Variants in RABEP1 observed in about 807,000 individuals in gnomAD.
The protein encoded by RABEP1 is rab GTPase-binding effector protein 1.
In RABEP1, 51 loss-of-function variants were observed where a neutral mutation model predicts 123.4. That is an observed-to-expected ratio of 0.41 (90% confidence interval 0.33 to 0.52). The LOEUF is 0.52. Among genes scored for constraint, RABEP1 ranks in the 20% least tolerant of loss-of-function variants. RABEP1 has a pLI of 0.16. For synonymous variants in RABEP1, 347 were observed against 355.2 expected, an observed-to-expected ratio of 0.98 and a Z score of 0.26; for missense variants, 888 against 996.3, an observed-to-expected ratio of 0.89 and a Z score of 1.46.
At chr17:5,353,691 A>G (rs1221793600) in intron 7 of RABEP1, among the ~76,000 whole-genome samples, 1 of 152,066 alleles carries the variant, frequency 6.6e-6, no homozygotes, top group African/African-American at 2.4e-5. Context: ...ATGCAAAAAA[A>G]CCAAAAAATT....
At chr17:5,361,950 C>T (rs954778300) in intron 9 of RABEP1, 1 of 360,594 alleles carries the variant, frequency 2.8e-6, no homozygotes, top group African/African-American at 2.0e-5. Context: ...ATCTGCCTGA[C>T]TAGCATTGCG....
rs562862313 is a variant in RABEP1 at position 5,351,697 on chromosome 17, G to A, written c.963+1068G>A. On this transcript the variant is annotated intron_variant, in intron 7 of 17. Transcript: ENST00000537505. ...CGTGCCTGTAGTTCCAGCTACTTGG[G>A]AGGCTGAGGTGGGAGGATCACTTGA... Among the ~76,000 whole-genome samples the A allele has an allele frequency of 5.9e-5, 9 of 152,280 alleles. No individual in the cohort carries two copies. In the South Asian group the frequency reaches 1.9e-3, roughly 32 times the overall value.
intron 10 of RABEP1, chr17:5,364,575 A>G (rs2144685497): frequency 1.3e-5 from 2 of 152,692 alleles, no homozygotes; most frequent in South Asian, 4.1e-4. Flanking sequence ...TCTACTAAAA[A>G]TGCAAAATTA....
At chr17:5,365,366 A>G in intron 11 of RABEP1, 128 bp downstream of exon 11, 3 of 555,534 alleles carry the variant, frequency 5.4e-6, no homozygotes, top group Non-Finnish European at 9.2e-6. Flanking sequence ...CTCAGGTAAA[A>G]AGATTTCTTA....
At position 5,282,504 on chromosome 17, in the gene RABEP1, G is replaced by A; in HGVS notation, c.18G>A (p.Pro6=). MAQPG[P]ASQPDVSLQQ... is the part of the protein sequence containing the mutation. The stretch of plus-strand genomic sequence containing the variant: ...GCCTGGTCATGGCGCAGCCGGGCCC[G>A]GCTTCCCAGCCTGACGGTGAGGCGC... Residue 6 remains proline, a synonymous_variant, in exon 1 of 18, where the codon CCG becomes CCA. Coordinates refer to ENST00000537505, the MANE Select transcript of RABEP1 (RefSeq NM_004703.6). 2 of 1,274,044 alleles carry A rather than the reference G, an allele frequency of 1.6e-6. No homozygotes were observed. The highest frequency in any genetic ancestry group is 9.9e-7 in the Non-Finnish European group (1 of 1,009,050). 78.9% of individuals were successfully genotyped at this position (1,274,044 alleles called of 1,614,324 possible).
chr17:5,330,449 A>C (rs1906423370), intron 2 of RABEP1, among the ~76,000 whole-genome samples: 3 of 152,222 alleles, frequency 2.0e-5, no homozygotes, highest in African/African-American at 7.2e-5. Flanking sequence ...AACATTTCAC[A>C]ACGTTTAAAA....
intron 15 of RABEP1, 151 bp from the exon 16 acceptor site, chr17:5,380,213 G>T (rs991288431): frequency 1.7e-6 from 1 of 595,198 alleles, no homozygotes; most frequent in African/African-American, 1.9e-5. Context: ...GAAGAATACA[G>T]AGGGGATCCA....
rs1415556102 is a variant in RABEP1 at position 5,383,436 on chromosome 17, CTA to C, written c.*216_*217del. ...GCCCAGAGACCTTCAAATGCGAACA[CTA>C]TAAACTCCAGGCTTGATTCCAACAG... On this transcript the variant is annotated 3_prime_UTR_variant, in exon 18 of 18. Coordinates refer to ENST00000537505, the MANE Select transcript of RABEP1 (RefSeq NM_004703.6). 2 of 525,306 alleles carry C rather than the reference CTA, an allele frequency of 3.8e-6. No individual in the cohort carries two copies. Among genetic ancestry groups the C allele is most frequent in the Admixed American group, 3.2e-5 (1 of 31,166 alleles). 32.5% of individuals were successfully genotyped at this position (525,306 alleles called of 1,614,324 possible). A position where few individuals can be genotyped will look rare whatever the true frequency, so the allele number is the denominator to read the frequency against.
intron 1 of RABEP1, among the ~76,000 whole-genome samples, chr17:5,305,605 T>C (rs184848517): frequency 3.9e-5 from 6 of 152,234 alleles, no homozygotes; most frequent in Non-Finnish European, 7.4e-5. Context: ...TAGAGAAAAA[T>C]AAGAACAGAG....
intron 5 of RABEP1, among the ~76,000 whole-genome samples, chr17:5,340,573 G>GA (rs1415048138): frequency 2.0e-5 from 3 of 147,988 alleles, no homozygotes; most frequent in Non-Finnish European, 4.5e-5. Flanking sequence ...GCTTGGACAT[G>GA]AAAAAAATAC....
chr17:5,383,237 G>A lies in RABEP1; in HGVS notation c.*14G>A, dbSNP rs754990170. On this transcript the variant is annotated 3_prime_UTR_variant, in exon 18 of 18. Coordinates refer to ENST00000537505, the MANE Select transcript of RABEP1 (RefSeq NM_004703.6). ...CCTGAGACATGACACCCTCATGGCAGGATTCTAGCCTGCACTTTGGGTTTT... is the reference window on the plus strand; with the variant it reads ...CCTGAGACATGACACCCTCATGGCAAGATTCTAGCCTGCACTTTGGGTTTT... The A allele has an allele frequency of 1.9e-6, 3 of 1,607,892 alleles. No homozygotes were observed. In the South Asian group the frequency reaches 3.3e-5, roughly 18 times the overall value.
In RABEP1 at chr17:5,362,637, GGGATA is replaced by G. The variant is rs561688760; in HGVS notation, c.1564-273_1564-269del. Among the ~76,000 whole-genome samples the G allele has an allele frequency of 9.2e-5, 14 of 152,312 alleles. No individual in the cohort carries two copies. In the East Asian group the frequency reaches 2.7e-3, roughly 29 times the overall value. ...TTTAGTATTATACCATGAGTGCCATGGGATAGTACCTTTTGCTTGCTTTGTGTTTT... is the reference window on the plus strand; with the variant it reads ...TTTAGTATTATACCATGAGTGCCATGGTACCTTTTGCTTGCTTTGTGTTTT... On this transcript the variant is annotated intron_variant, in intron 9 of 17. Transcript: ENST00000537505.
intron 13 of RABEP1, among the ~76,000 whole-genome samples, chr17:5,376,575 A>T (rs995140129): frequency 1.3e-5 from 2 of 152,238 alleles, no homozygotes; most frequent in Non-Finnish European, 2.9e-5. Flanking sequence ...TTATTACAGA[A>T]AAACAGCTTA....
chr17:5,287,786 C>T (rs922099871), intron 1 of RABEP1, among the ~76,000 whole-genome samples: 1 of 151,898 alleles, frequency 6.6e-6, no homozygotes, highest in Non-Finnish European at 1.5e-5. Flanking sequence ...ATGGCCTGTG[C>T]CTCTAGTCCC....
At chr17:5,285,210 T>A (rs1348584233) in intron 1 of RABEP1, among the ~76,000 whole-genome samples, 1 of 152,154 alleles carries the variant, frequency 6.6e-6, no homozygotes, top group East Asian at 1.9e-4. Context: ...AATTTAAAAA[T>A]GAAAATTTTC....
At chr17:5,291,195 G>A (rs188599332) in intron 1 of RABEP1, among the ~76,000 whole-genome samples, 10 of 152,204 alleles carry the variant, frequency 6.6e-5, no homozygotes, top group Non-Finnish European at 1.3e-4. Context: ...TGGACCACGC[G>A]GTCAGGACTT....
Position 5,310,873 on chromosome 17 carries a change from G to C in RABEP1, c.163+2051G>C, listed in dbSNP as rs138157435. Among the ~76,000 whole-genome samples, 28 of 148,494 alleles carry C rather than the reference G, an allele frequency of 1.9e-4. No homozygotes were observed. The East Asian group carries it at 5.7e-3, about 30-fold the overall frequency. On this transcript the variant is annotated intron_variant, in intron 2 of 17. Transcript: ENST00000537505. ...TGTCCAGGCTGAAGTGCAGTGGTGTGATCTTGGCTCACTGCAACCTCCGCC... is the reference window on the plus strand; with the variant it reads ...TGTCCAGGCTGAAGTGCAGTGGTGTCATCTTGGCTCACTGCAACCTCCGCC...
chr17:5,284,394 G>A (rs2074957552), intron 1 of RABEP1, among the ~76,000 whole-genome samples: 1 of 152,106 alleles, frequency 6.6e-6, no homozygotes, highest in Admixed American at 6.6e-5. Context: ...ACTTTTTACA[G>A]TAGGAGAGAG....
rs201812376 is a variant in RABEP1 at position 5,368,025 on chromosome 17, G to A, written c.1786-345G>A. Among the ~76,000 whole-genome samples the A allele has an allele frequency of 8.3e-3, 1,233 of 148,510 alleles. 49 individuals are homozygous for A. Among genetic ancestry groups the A allele is most frequent in the East Asian group, 0.06 (269 of 4,468 alleles). ...GCCCGCCTCAGCCTCCCAAAGTGCTGGGATTACAGGCATAAGCCACTGCAC... is the reference window on the plus strand; with the variant it reads ...GCCCGCCTCAGCCTCCCAAAGTGCTAGGATTACAGGCATAAGCCACTGCAC... On this transcript the variant is annotated intron_variant, in intron 11 of 17. Coordinates refer to ENST00000537505, the MANE Select transcript of RABEP1 (RefSeq NM_004703.6).
Sources: gnomAD v4.1 joint callset for allele counts (sites outside exome capture counted in the v4.1 genomes callset) on GRCh38, gnomAD v4.1.1 for gene constraint, MANE v1.5 for transcripts, NCBI Gene and HGNC (gene_info 2026-07-23, HGNC 2026-07-21) for gene names.